The following NEGR1 variants were observed in gnomAD, a reference collection of about 807,000 sequenced individuals.
NEGR1 encodes neuronal growth regulator 1, also known as IgLON family member 4.
NEGR1 carries 10 observed loss-of-function variants against 40.9 expected under a neutral mutation model. The ratio of observed to expected loss-of-function variants is 0.24; its 90% confidence interval spans 0.15 to 0.42. NEGR1 has a LOEUF of 0.42. Ranked by LOEUF, NEGR1 falls within the 10% of genes least tolerant of loss-of-function variation. The pLI is 1.00. For missense variants in NEGR1, 352 were observed against 438.9 expected, an observed-to-expected ratio of 0.80 and a Z score of 1.77; for synonymous variants, 185 against 166.8, an observed-to-expected ratio of 1.11 and a Z score of -0.84.
chr1:71,568,037 C>T (rs554199283), intron 6 of NEGR1, among the ~76,000 whole-genome samples: 2 of 152,150 alleles, frequency 1.3e-5, no homozygotes, highest in Admixed American at 1.3e-4. Context: ...CTTATAGCAG[C>T]CCAAACTAAG....
chr1:71,669,201 C>T (rs1652335559), intron 4 of NEGR1, among the ~76,000 whole-genome samples: 1 of 152,064 alleles, frequency 6.6e-6, no homozygotes, highest in Admixed American at 6.5e-5. Context: ...ATTATACCAA[C>T]ATTTATTGGT....
At chr1:71,529,210 T>C (rs993507326) in intron 6 of NEGR1, among the ~76,000 whole-genome samples, 3 of 151,282 alleles carry the variant, frequency 2.0e-5, no homozygotes, top group Non-Finnish European at 3.0e-5. Context: ...CATCTGCCTA[T>C]AGACTAAAAA....
At chr1:72,029,950 C>T (rs181744882) in intron 1 of NEGR1, among the ~76,000 whole-genome samples, 1 of 151,812 alleles carries the variant, frequency 6.6e-6, no homozygotes, top group South Asian at 2.1e-4. Flanking sequence ...AAAATGTAAA[C>T]ATGCTCTAAA....
intron 1 of NEGR1, among the ~76,000 whole-genome samples, chr1:72,117,915 G>A (rs114218614): frequency 0.016 from 2,413 of 151,820 alleles, 64 homozygotes; most frequent in African/African-American, 0.056. Flanking sequence ...GAAATTCTGT[G>A]ATTAGAGAGG....
At chr1:72,251,295 A>G (rs759838927) in intron 1 of NEGR1, among the ~76,000 whole-genome samples, 8 of 152,216 alleles carry the variant, frequency 5.3e-5, no homozygotes, top group Non-Finnish European at 1.0e-4. Flanking sequence ...TAACTACTTT[A>G]AACAAAATAT....
At chr1:71,425,892 T>G (rs1646425406) in intron 6 of NEGR1, among the ~76,000 whole-genome samples, 1 of 152,098 alleles carries the variant, frequency 6.6e-6, no homozygotes. Flanking sequence ...CACCAAACAT[T>G]CCCCTGAGGC....
chr1:71,711,550 G>A (rs1654092782), intron 3 of NEGR1, among the ~76,000 whole-genome samples: 1 of 151,462 alleles, frequency 6.6e-6, no homozygotes, highest in Admixed American at 6.6e-5. Flanking sequence ...CACTGCTGGT[G>A]TGAGTGTGAA....
At chr1:71,855,300 T>C (rs1403705109) in intron 2 of NEGR1, among the ~76,000 whole-genome samples, 1 of 152,130 alleles carries the variant, frequency 6.6e-6, no homozygotes, top group Non-Finnish European at 1.5e-5. Flanking sequence ...ATGAGGAAAC[T>C]TCATTTTTTT....
intron 4 of NEGR1, among the ~76,000 whole-genome samples, chr1:71,630,453 AT>A (rs898801628): frequency 1.2e-4 from 18 of 151,952 alleles, no homozygotes; most frequent in Middle Eastern, 3.2e-3. Context: ...GTATAACTAT[AT>A]TGTAAAATGT....
At chr1:72,043,183 T>C (rs1646970967) in intron 1 of NEGR1, among the ~76,000 whole-genome samples, 1 of 151,932 alleles carries the variant, frequency 6.6e-6, no homozygotes, top group African/African-American at 2.4e-5. Flanking sequence ...GGCCCAGCTT[T>C]CCTGAGTTCA....
chr1:71,610,375 G>C (rs1650213797), intron 5 of NEGR1, among the ~76,000 whole-genome samples: 1 of 152,108 alleles, frequency 6.6e-6, no homozygotes. Flanking sequence ...GAGCCTACTG[G>C]TTGAAAGTAA....
intron 2 of NEGR1, among the ~76,000 whole-genome samples, chr1:71,826,670 T>G (rs571620060): frequency 1.3e-5 from 2 of 152,070 alleles, no homozygotes; most frequent in East Asian, 3.9e-4. Context: ...TGACTTGGTT[T>G]GAACCTCACA....
intron 6 of NEGR1, among the ~76,000 whole-genome samples, chr1:71,528,117 C>G (rs1360303773): frequency 6.6e-6 from 1 of 151,292 alleles, no homozygotes; most frequent in African/African-American, 2.4e-5. Flanking sequence ...ATACTAAGCA[C>G]TCTATTAGAT....
At chr1:71,929,154 G>A (rs796632416) in intron 2 of NEGR1, among the ~76,000 whole-genome samples, 1 of 151,962 alleles carries the variant, frequency 6.6e-6, no homozygotes, top group African/African-American at 2.4e-5. Flanking sequence ...TTGATATAAA[G>A]AAGCTATAGA....
In NEGR1 at chr1:71,404,596, T is replaced by TTC. The variant is rs1553138980; in HGVS notation, c.*2849_*2850insGA. The TTC allele has an allele frequency of 2.0e-5, 3 of 150,536 alleles. No individual in the cohort carries two copies. The highest frequency in any genetic ancestry group is 3.0e-5 in the Non-Finnish European group (2 of 67,258). The allele number at this position is 150,536 out of a possible 1,614,324, so 9.3% of individuals were successfully genotyped here. Reference sequence around the variant, plus strand: ...TCATTCCTTCCATCCTTCCTTTTTTTCCCTCTTTACTGCCTTTCCTTTTCA... The same window carrying TTC: ...TCATTCCTTCCATCCTTCCTTTTTTTTCCCCTCTTTACTGCCTTTCCTTTTCA... On this transcript the variant is annotated 3_prime_UTR_variant, in exon 7 of 7. Transcript: ENST00000357731.
chr1:71,719,485 T>C (rs1213594841), intron 3 of NEGR1, among the ~76,000 whole-genome samples: 1 of 152,164 alleles, frequency 6.6e-6, no homozygotes, highest in Admixed American at 6.5e-5. Context: ...CTAGAATTGA[T>C]GGCTAAGAAT....
At chr1:71,849,710 G>C (rs1317075298) in intron 2 of NEGR1, among the ~76,000 whole-genome samples, 2 of 152,122 alleles carry the variant, frequency 1.3e-5, no homozygotes, top group African/African-American at 4.8e-5. Context: ...TTAAGAAATT[G>C]CCACAGTCAC....
At chr1:71,555,000 T>C (rs1648209949) in intron 6 of NEGR1, among the ~76,000 whole-genome samples, 1 of 151,702 alleles carries the variant, frequency 6.6e-6, no homozygotes, top group South Asian at 2.1e-4. Flanking sequence ...CTGAAAGTGC[T>C]CATTAAAAGG....
intron 6 of NEGR1, among the ~76,000 whole-genome samples, chr1:71,468,008 C>T (rs1029591458): frequency 2.6e-5 from 4 of 151,792 alleles, no homozygotes; most frequent in African/African-American, 9.7e-5. Flanking sequence ...CTTTATTCTC[C>T]AAAGACAAGA....
Sources: gnomAD v4.1 joint callset for allele counts (sites outside exome capture counted in the v4.1 genomes callset) on GRCh38, gnomAD v4.1.1 for gene constraint, MANE v1.5 for transcripts, NCBI Gene and HGNC (gene_info 2026-07-23, HGNC 2026-07-21) for gene names.